The following LRRIQ1 variants were observed in gnomAD, a reference collection of about 807,000 sequenced individuals.
LRRIQ1 encodes leucine rich repeats and IQ motif containing 1.
A neutral mutation model predicts 211.9 loss-of-function variants in LRRIQ1; 210 were observed. That is an observed-to-expected ratio of 0.99 (90% confidence interval 0.89 to 1.11). LRRIQ1 has a LOEUF of 1.11. Among genes scored for constraint, LRRIQ1 ranks in the 50% most tolerant of loss-of-function variants. The pLI, the probability that LRRIQ1 is intolerant of heterozygous loss-of-function variation, is 0.00. For synonymous variants in LRRIQ1, 699 were observed against 650.1 expected, an observed-to-expected ratio of 1.08 and a Z score of -1.14; for missense variants, 2,136 against 1,939.5, an observed-to-expected ratio of 1.10 and a Z score of -1.90.
intron 15 of LRRIQ1, among the ~76,000 whole-genome samples, chr12:85,115,245 G>T (rs1887489719): frequency 6.6e-6 from 1 of 152,110 alleles, no homozygotes; most frequent in African/African-American, 2.4e-5. Flanking sequence ...TCATCAACTT[G>T]TTATGACACT....
intron 8 of LRRIQ1, among the ~76,000 whole-genome samples, chr12:85,058,024 T>C (rs2136003575): frequency 6.6e-6 from 1 of 152,038 alleles, no homozygotes; most frequent in Non-Finnish European, 1.5e-5. Flanking sequence ...TATTCATCTA[T>C]CCAATAAGAT....
intron 23 of LRRIQ1, among the ~76,000 whole-genome samples, chr12:85,158,146 T>G (rs1890660830): frequency 6.6e-6 from 1 of 151,832 alleles, no homozygotes; most frequent in Non-Finnish European, 1.5e-5. Flanking sequence ...ATCTGAATAG[T>G]AAAATCCTTG....
intron 24 of LRRIQ1, among the ~76,000 whole-genome samples, chr12:85,168,857 A>G (rs541958186): frequency 1.6e-4 from 24 of 152,306 alleles, no homozygotes; most frequent in Admixed American, 1.4e-3. Context: ...AGTGAATTCC[A>G]TGAGCATAAG....
intron 24 of LRRIQ1, among the ~76,000 whole-genome samples, chr12:85,173,622 CACACACACACACGCACACACACAT>C (rs1365626342): frequency 3.3e-5 from 5 of 151,378 alleles, no homozygotes; most frequent in African/African-American, 1.2e-4. Context: ...ATCTCTCATA[CACACACACACACGCACACACACAT>C]ACACACACAC....
chr12:85,044,804 A>G lies in LRRIQ1; in HGVS notation c.331A>G (p.Ile111Val), dbSNP rs1002597709. 2 of 1,390,650 alleles carry G rather than the reference A, an allele frequency of 1.4e-6. No individual in the cohort carries two copies. Among genetic ancestry groups the G allele is most frequent in the Non-Finnish European group, 2.0e-6 (2 of 984,234 alleles). 86.1% of individuals were successfully genotyped at this position (1,390,650 alleles called of 1,614,324 possible). A position where few individuals can be genotyped will look rare whatever the true frequency, so the allele number is the denominator to read the frequency against. ...ATATGAAGAAAGTTCAGAGCAATTA[A>G]TTAAGGTATATATTCAATATTTGAC... is the stretch of plus-strand genomic sequence containing the variant. ...TEYEESSEQLIKILSEIEKEE... is the reference protein window; with the variant it reads ...TEYEESSEQLVKILSEIEKEE... The change falls in exon 4 of 27, where the codon ATT becomes GTT. Residue 111 changes from isoleucine (I) to valine (V), a missense_variant. Transcript: ENST00000393217.
chr12:85,257,588 A>G (rs1343359135), intron 1 of LRRIQ1, among the ~76,000 whole-genome samples: 2 of 151,744 alleles, frequency 1.3e-5, no homozygotes, highest in African/African-American at 4.8e-5. Context: ...TAAACACCCA[A>G]TAGGTATTAA....
chr12:85,211,357 A>G (rs191282017), intron 24 of LRRIQ1, among the ~76,000 whole-genome samples: 1 of 152,200 alleles, frequency 6.6e-6, no homozygotes, highest in Non-Finnish European at 1.5e-5. Flanking sequence ...CCATAAGTGT[A>G]TAATTATGGC....
Position 85,138,091 on chromosome 12 carries a change from A to T in LRRIQ1, c.4329+122A>T, listed in dbSNP as rs148596396. ...TATTGTTACAGACTTTTTTCCTAAC[A>T]TTGAGAAACTTTTCCTAACATCATC... On this transcript the variant is annotated intron_variant, in intron 19 of 26. Coordinates refer to ENST00000393217, the MANE Select transcript of LRRIQ1 (RefSeq NM_001079910.2). The T allele has an allele frequency of 1.7e-4, 101 of 594,836 alleles. No individual in the cohort carries two copies. In the African/African-American group the frequency reaches 1.8e-3, roughly 11 times the overall value. 36.8% of individuals were successfully genotyped at this position (594,836 alleles called of 1,614,324 possible).
At chr12:85,192,379 A>G (rs1237214567) in intron 24 of LRRIQ1, among the ~76,000 whole-genome samples, 1 of 138,364 alleles carries the variant, frequency 7.2e-6, no homozygotes, top group East Asian at 2.0e-4. Context: ...TTATATATAT[A>G]TAAATATATA....
chr12:85,226,624 G>T (rs1894668336), intron 24 of LRRIQ1, among the ~76,000 whole-genome samples: 1 of 147,842 alleles, frequency 6.8e-6, no homozygotes, highest in African/African-American at 2.5e-5. Flanking sequence ...TTGGTGTGCT[G>T]CACCCATTAA....
intron 3 of LRRIQ1, among the ~76,000 whole-genome samples, chr12:85,043,057 A>C (rs1879090755): frequency 6.6e-6 from 1 of 152,130 alleles, no homozygotes; most frequent in Non-Finnish European, 1.5e-5. Context: ...AGATGTATTG[A>C]TCGGGGTTCT....
chr12:85,204,747 G>A (rs116529613), intron 24 of LRRIQ1, among the ~76,000 whole-genome samples: 2,696 of 152,082 alleles, frequency 0.018, 76 homozygotes, highest in African/African-American at 0.062. Context: ...TTGTATCTAG[G>A]AAATAACCAG....
chr12:85,042,818 C>T (rs1879057304), intron 3 of LRRIQ1, among the ~76,000 whole-genome samples: 1 of 151,758 alleles, frequency 6.6e-6, no homozygotes, highest in African/African-American at 2.4e-5. Flanking sequence ...TTCTTACAAC[C>T]TATTAAGGAG....
intron 24 of LRRIQ1, among the ~76,000 whole-genome samples, chr12:85,223,903 A>G (rs923806011): frequency 2.7e-5 from 4 of 150,024 alleles, no homozygotes; most frequent in Non-Finnish European, 5.9e-5. Context: ...ATAAATTAAG[A>G]CCATAATTAG....
At chr12:85,185,044 A>G (rs1892162627) in intron 24 of LRRIQ1, among the ~76,000 whole-genome samples, 2 of 152,088 alleles carry the variant, frequency 1.3e-5, no homozygotes, top group South Asian at 4.1e-4. Flanking sequence ...CAAGCATTCT[A>G]AAGAATGATT....
chr12:85,164,531 TTTTA>T (rs1449884721), intron 24 of LRRIQ1, among the ~76,000 whole-genome samples: 2 of 152,214 alleles, frequency 1.3e-5, no homozygotes, highest in East Asian at 3.8e-4. Context: ...GCAATAGTCA[TTTTA>T]AAAGTATGGC....
chr12:85,153,875 C>A, intron 22 of LRRIQ1, 117 bp downstream of exon 22: 1 of 930,278 alleles, frequency 1.1e-6, no homozygotes, highest in Non-Finnish European at 1.6e-6. Flanking sequence ...AATTGTCCAT[C>A]CAATTTAGTT....
intron 2 of LRRIQ1, 150 bp downstream of exon 2, chr12:85,038,458 C>A: frequency 2.6e-6 from 1 of 381,472 alleles, no homozygotes; most frequent in Non-Finnish European, 4.1e-6. Context: ...TATATATAGT[C>A]ACCTATACAT....
downstream of LRRIQ1, among the ~76,000 whole-genome samples, chr12:85,268,389 C>A (rs182411294): frequency 1.1e-4 from 16 of 152,000 alleles, 1 homozygote; most frequent in East Asian, 1.2e-3. Flanking sequence ...AACACCAGGA[C>A]TCCTTATGCA....
Sources: allele counts gnomAD v4.1 joint callset (sites outside exome capture counted in the v4.1 genomes callset), GRCh38; gene constraint gnomAD v4.1.1; transcripts MANE v1.5; gene names NCBI Gene and HGNC (gene_info 2026-07-23, HGNC 2026-07-21).